NCOR2: variants seen among roughly 807,000 people sequenced by gnomAD.
NCOR2 encodes the protein nuclear receptor corepressor 2.
NCOR2 carries 81 observed loss-of-function variants against 262.9 expected under a neutral mutation model. The ratio of observed to expected loss-of-function variants is 0.31; its 90% CI spans 0.26 to 0.37. The LOEUF (loss-of-function observed/expected upper bound fraction) is 0.37. Among genes scored for constraint, NCOR2 ranks in the 10% least tolerant of loss-of-function variants. The probability of loss-of-function intolerance (pLI) is 1.00; values close to 1 mark genes in which losing one functional copy is unlikely to be tolerated. For synonymous variants in NCOR2, 1,659 were observed against 1,559.3 expected, an observed-to-expected ratio of 1.06 and a Z score of -1.51; for missense variants, 3,385 against 3,621.4, an observed-to-expected ratio of 0.93 and a Z score of 1.68.
At chr12:124,562,506 G>GGC (rs1377024220) in intron 1 of NCOR2, among the ~76,000 whole-genome samples, 1 of 152,166 alleles carries the variant, frequency 6.6e-6, no homozygotes, top group East Asian at 1.9e-4. Context: ...TCCCCCAGGG[G>GGC]GCCTCCCCCA....
chr12:124,436,783 G>GA (rs2044358353), intron 8 of NCOR2, among the ~76,000 whole-genome samples: 2 of 152,282 alleles, frequency 1.3e-5, no homozygotes, highest in South Asian at 4.1e-4. Context: ...ATAAGGAGTT[G>GA]AAAAAACTGC....
intron 1 of NCOR2, among the ~76,000 whole-genome samples, chr12:124,533,591 GGACT>G: frequency 6.6e-6 from 1 of 152,162 alleles, no homozygotes; most frequent in East Asian, 1.9e-4. Flanking sequence ...CCCGCAGGGA[GGACT>G]AGGTGCTTGG....
In NCOR2 at chr12:124,400,676, A is replaced by C. The variant is rs560948608; in HGVS notation, c.1641-3T>G. 1 of 1,613,540 alleles carries C rather than the reference A, an allele frequency of 6.2e-7. No homozygotes were observed. Among genetic ancestry groups the C allele is most frequent in the African/African-American group, 1.3e-5 (1 of 74,856 alleles). Reference sequence around the variant, plus strand: ...CTGAGGTGTCGTCTGTCTTCTCCCTACAGGCCAGAGAGGGGAGATAGGATG... The same window carrying C: ...CTGAGGTGTCGTCTGTCTTCTCCCTCCAGGCCAGAGAGGGGAGATAGGATG... On this transcript the variant is annotated splice_polypyrimidine_tract_variant and splice_region_variant and intron_variant, in intron 14 of 46. Transcript: ENST00000405201.
intron 13 of NCOR2, among the ~76,000 whole-genome samples, chr12:124,408,807 G>A (rs2041389991): frequency 1.3e-5 from 2 of 152,132 alleles, no homozygotes; most frequent in Admixed American, 6.5e-5. Context: ...CACTCCAAGG[G>A]CATTGCTTCC....
At chr12:124,423,218 T>C (rs1256936926) in intron 11 of NCOR2, among the ~76,000 whole-genome samples, 1 of 151,830 alleles carries the variant, frequency 6.6e-6, no homozygotes, top group Non-Finnish European at 1.5e-5. Flanking sequence ...AGCGGGAGCA[T>C]GGTGGGGGCG....
chr12:124,525,775 T>G (rs1339053096), intron 1 of NCOR2, among the ~76,000 whole-genome samples: 2 of 152,222 alleles, frequency 1.3e-5, no homozygotes, highest in African/African-American at 4.8e-5. Context: ...GCAGCTGCCG[T>G]GGAGTCAGGC....
intron 38 of NCOR2, 112 bp from the exon 41 acceptor site, chr12:124,335,744 A>C: frequency 8.0e-7 from 1 of 1,254,922 alleles, no homozygotes; most frequent in Middle Eastern, 2.8e-4. Context: ...AGGGGAACCC[A>C]AGCTAGGGGT....
chr12:124,346,754 G>A, exon 31 of NCOR2: 1 of 1,558,804 alleles, frequency 6.4e-7, no homozygotes, highest in Non-Finnish European at 8.7e-7. Flanking sequence ...CAGGTCCCGT[G>A]AGGGCGGTGG....
intron 3 of NCOR2, among the ~76,000 whole-genome samples, chr12:124,480,033 T>C (rs940063772): frequency 2.0e-5 from 3 of 152,206 alleles, no homozygotes; most frequent in Non-Finnish European, 4.4e-5. Flanking sequence ...TGCAGCATTC[T>C]TACCACTGCG....
At chr12:124,567,178 G>T (rs1361617192) in intron 1 of NCOR2, 130 bp downstream of exon 1, 2 of 152,030 alleles carry the variant, frequency 1.3e-5, no homozygotes, top group Non-Finnish European at 2.9e-5. Flanking sequence ...CACCCCCCGA[G>T]AGCGCCAACT....
chr12:124,388,818 G>A (rs1459932771), intron 16 of NCOR2: 12 of 1,295,714 alleles, frequency 9.3e-6, no homozygotes, highest in East Asian at 5.6e-5. Context: ...GCTGGTTGGC[G>A]TCTGCTGGCG....
Position 124,325,587 on chromosome 12 carries a change from C to G in NCOR2, c.7364-4G>C. 3 of 1,273,382 alleles carry G rather than the reference C, an allele frequency of 2.4e-6. No homozygotes were observed. Among genetic ancestry groups the G allele is most frequent in the Non-Finnish European group, 3.0e-6 (3 of 1,000,248 alleles). 78.9% of individuals were successfully genotyped at this position (1,273,382 alleles called of 1,614,324 possible). On this transcript the variant is annotated splice_region_variant and splice_polypyrimidine_tract_variant and intron_variant, in intron 46 of 46. Transcript: ENST00000405201. ...TTGTAGGGGAATGGCGTGGAACCTG[C>G]GGGAAGAAGCGAAAGATGCCCAGGA... is the stretch of plus-strand genomic sequence containing the variant.
exon 5 of NCOR2, chr12:124,466,239 G>A (rs562850972): frequency 1.8e-5 from 29 of 1,609,742 alleles, no homozygotes; most frequent in South Asian, 1.1e-4. Flanking sequence ...GCGGTGACAC[G>A]GGCTTCTCAG....
At position 124,340,179 on chromosome 12, in the gene NCOR2, G is replaced by GCTGCTGCCA. The variant is rs755649663; in HGVS notation, c.5513_5514insTGGCAGCAG (p.Ser1837_Gly1839dup). 78 of 1,606,632 alleles carry GCTGCTGCCA rather than the reference G, an allele frequency of 4.9e-5. No homozygotes were observed. The East Asian group carries it at 1.4e-3, about 29-fold the overall frequency. Reference sequence around the variant, plus strand: ...GGCTGCTGCTGCCCCCACCCCCGCCGCTGCTGCCGCTGCTCTGCTCTGTAC... The same window carrying GCTGCTGCCA: ...GGCTGCTGCTGCCCCCACCCCCGCCGCTGCTGCCACTGCTGCCGCTGCTCTGCTCTGTAC... On this transcript the variant is annotated inframe_insertion, in exon 37 of 47. Transcript: ENST00000405201.
intron 1 of NCOR2, among the ~76,000 whole-genome samples, chr12:124,488,548 GCCT>G (rs752183360): frequency 1.9e-4 from 29 of 152,216 alleles, no homozygotes; most frequent in Non-Finnish European, 3.2e-4. Flanking sequence ...AAAGGCACGA[GCCT>G]CCTCCTGCAT....
chr12:124,550,146 T>G (rs2051670089), intron 1 of NCOR2, among the ~76,000 whole-genome samples: 1 of 122,750 alleles, frequency 8.1e-6, no homozygotes, highest in South Asian at 3.0e-4. Flanking sequence ...GAGCAGCCCC[T>G]GCAACAGAGA....
chr12:124,348,449 C>T (rs1450948464), intron 28 of NCOR2, 135 bp from the exon 31 acceptor site: 4 of 1,247,634 alleles, frequency 3.2e-6, no homozygotes, highest in South Asian at 1.5e-5. Context: ...GCCTCACAGC[C>T]GAGGCCTCCA....
exon 46 of NCOR2, chr12:124,326,307 G>A (rs753531077): frequency 7.1e-6 from 11 of 1,556,322 alleles, no homozygotes; most frequent in Admixed American, 3.8e-5. Context: ...TGCCAGGCCC[G>A]GGGCCGGGGA....
chr12:124,444,389 A>C (rs1433626911), intron 7 of NCOR2, among the ~76,000 whole-genome samples: 1 of 152,152 alleles, frequency 6.6e-6, no homozygotes, highest in African/African-American at 2.4e-5. Context: ...AGCAGGACAT[A>C]GGAGGGCAGG....
Sources: allele counts gnomAD v4.1 joint callset (sites outside exome capture counted in the v4.1 genomes callset), GRCh38; gene constraint gnomAD v4.1.1; transcripts MANE v1.5; gene names NCBI Gene and HGNC (gene_info 2026-07-23, HGNC 2026-07-21).